Variants in GPATCH2L observed in about 807,000 individuals in gnomAD.
GPATCH2L encodes the protein G patch domain-containing protein 2-like.
In GPATCH2L, 31 loss-of-function variants were observed where a neutral mutation model predicts 57.4. The observed-to-expected ratio is 0.54, with a 90% confidence interval of 0.41 to 0.73. The LOEUF is 0.73. Among genes scored for constraint, GPATCH2L ranks in the 30% least tolerant of loss-of-function variants. GPATCH2L has a pLI of 0.00. For synonymous variants in GPATCH2L, 199 were observed against 210.7 expected (o/e 0.94, Z 0.48); for missense variants, 481 against 599.9 (o/e 0.80, Z 2.07).
downstream of GPATCH2L, among the ~76,000 whole-genome samples, chr14:76,218,175 A>G (rs1417808949): frequency 6.6e-6 from 1 of 152,182 alleles, no homozygotes; most frequent in East Asian, 1.9e-4. Flanking sequence ...ATGTCCACTA[A>G]TTATCACTAT....
Position 76,177,835 on chromosome 14 carries a change from A to G in GPATCH2L, c.1053-153A>G. ...ATCTTATCTTCTTCTCCCTTCTGTA[A>G]TTTTCCTATCACTTCTTTTATTGTT... On this transcript the variant is annotated intron_variant, in intron 6 of 9. Transcript: ENST00000261530. 7 of 1,072,144 alleles carry G rather than the reference A, an allele frequency of 6.5e-6. No individual in the cohort carries two copies. In the South Asian group the frequency reaches 9.5e-5, roughly 14 times the overall value. 66.4% of individuals were successfully genotyped at this position (1,072,144 alleles called of 1,614,324 possible).
chr14:76,198,536 A>G (rs975112874), intron 9 of GPATCH2L, among the ~76,000 whole-genome samples: 4 of 152,204 alleles, frequency 2.6e-5, no homozygotes, highest in African/African-American at 9.6e-5. Flanking sequence ...ATAAAGCGGA[A>G]TTGAGGTGAT....
intron 8 of GPATCH2L, among the ~76,000 whole-genome samples, chr14:76,182,086 G>A (rs2039579907): frequency 6.6e-6 from 1 of 152,092 alleles, no homozygotes. Flanking sequence ...TGCCGGGCGC[G>A]GTGGCTCACG....
At chr14:76,160,427 G>GA (rs980178963) in intron 2 of GPATCH2L, among the ~76,000 whole-genome samples, 2 of 152,064 alleles carry the variant, frequency 1.3e-5, no homozygotes, top group African/African-American at 2.4e-5. Context: ...TATTGCTACA[G>GA]AAAAAAATCG....
intron 8 of GPATCH2L, among the ~76,000 whole-genome samples, chr14:76,193,742 A>C (rs144802267): frequency 9.2e-5 from 14 of 152,218 alleles, no homozygotes; most frequent in African/African-American, 3.4e-4. Context: ...TAACAGTAAC[A>C]TGGTTTAGCT....
chr14:76,153,534 C>A (rs2038152661), intron 1 of GPATCH2L: 1 of 152,198 alleles, frequency 6.6e-6, no homozygotes, highest in Admixed American at 6.5e-5. Flanking sequence ...GCTATTGTAT[C>A]CTAGTTTTCT....
In GPATCH2L at chr14:76,180,837, A is replaced by G. The variant is rs751339261; in HGVS notation, c.1181A>G (p.His394Arg). 6.8e-6 allele frequency: 11 copies of G among 1,606,986 alleles called. No homozygotes were observed. Among genetic ancestry groups the G allele is most frequent in the Admixed American group, 1.7e-5 (1 of 60,010 alleles). ...TCTCACCGAAGGTGTTCACCAGCAC[A>G]CTGCTCTGCCAGGTAATTGTCTTTT... ...DASHRRCSPA[H>R]CSARQANVHW... The change falls in exon 8 of 10, where the codon CAC becomes CGC. Residue 394 changes from histidine (H) to arginine (R), a missense_variant. Coordinates refer to ENST00000261530, the MANE Select transcript of GPATCH2L (RefSeq NM_017926.4).
At chr14:76,221,007 A>C (rs867362599) in intron 1 of GPATCH2L, among the ~76,000 whole-genome samples, 1 of 152,018 alleles carries the variant, frequency 6.6e-6, no homozygotes. Flanking sequence ...CTCTGAAAAG[A>C]CTAATAATAT....
chr14:76,234,350 CCTACCTCTTGGGGT>C (rs2040588183), intron 2 of GPATCH2L, among the ~76,000 whole-genome samples: 1 of 152,136 alleles, frequency 6.6e-6, no homozygotes, highest in Non-Finnish European at 1.5e-5. Flanking sequence ...TCCCATGATT[CCTACCTCTTGGGGT>C]CTACAGCTTT....
downstream of GPATCH2L, among the ~76,000 whole-genome samples, chr14:76,214,911 G>C (rs1369343085): frequency 6.6e-6 from 1 of 151,974 alleles, no homozygotes; most frequent in Non-Finnish European, 1.5e-5. Context: ...TTTGAGGGGT[G>C]CATGTGCAGG....
chr14:76,154,246 A>G lies in GPATCH2L; in HGVS notation c.-10-108A>G. The G allele has an allele frequency of 1.1e-6, 1 of 904,166 alleles. No individual in the cohort carries two copies. The highest frequency in any genetic ancestry group is 1.7e-6 in the Non-Finnish European group (1 of 598,278). The allele number at this position is 904,166 out of a possible 1,614,324, so 56.0% of individuals were successfully genotyped here. A position where few individuals can be genotyped will look rare whatever the true frequency, so the allele number is the denominator to read the frequency against. On this transcript the variant is annotated intron_variant, in intron 1 of 9. Transcript: ENST00000261530. This position sits in a 1 kb window ranked among gnomAD's most constrained non-coding sequence, Gnocchi z 4.4. Reference sequence around the variant, plus strand: ...GTTTAGACAGGCAGAACTGTGGACTACCATGATCTGTTTCATCAAATTATT... The same window carrying G: ...GTTTAGACAGGCAGAACTGTGGACTGCCATGATCTGTTTCATCAAATTATT...
intron 8 of GPATCH2L, among the ~76,000 whole-genome samples, chr14:76,182,769 C>T (rs2139730868): frequency 6.6e-6 from 1 of 152,144 alleles, no homozygotes; most frequent in African/African-American, 2.4e-5. Context: ...CTTACATTCT[C>T]ATGGGAAAGT....
chr14:76,218,786 GT>G (rs2040500629), downstream of GPATCH2L, among the ~76,000 whole-genome samples: 1 of 151,954 alleles, frequency 6.6e-6, no homozygotes, highest in Admixed American at 6.6e-5. Flanking sequence ...GAACAGAACA[GT>G]TCAAAAATAG....
At chr14:76,173,288 C>T (rs2039169893) in intron 4 of GPATCH2L, among the ~76,000 whole-genome samples, 1 of 151,956 alleles carries the variant, frequency 6.6e-6, no homozygotes, top group Non-Finnish European at 1.5e-5. Flanking sequence ...TTCAAAACAG[C>T]CCAGTAAGGT....
intron 2 of GPATCH2L, among the ~76,000 whole-genome samples, chr14:76,164,580 C>CA (rs1211523180): frequency 6.6e-6 from 1 of 151,570 alleles, no homozygotes; most frequent in Admixed American, 6.6e-5. Flanking sequence ...ATAATACAAC[C>CA]AAAACACTGA....
At chr14:76,163,723 C>T (rs147704953) in intron 2 of GPATCH2L, among the ~76,000 whole-genome samples, 1 of 152,334 alleles carries the variant, frequency 6.6e-6, no homozygotes, top group African/African-American at 2.4e-5. Context: ...CATACTATCA[C>T]ATCCTCAATA....
In GPATCH2L at chr14:76,205,060, CATAA is replaced by C. The variant is rs1333994849; in HGVS notation, c.*3210_*3213del. The C allele has an allele frequency of 6.6e-6, 1 of 152,232 alleles. No homozygotes were observed. Among genetic ancestry groups the C allele is most frequent in the African/African-American group, 2.4e-5 (1 of 41,412 alleles). The allele number at this position is 152,232 out of a possible 1,614,324, so 9.4% of individuals were successfully genotyped here. Reference sequence around the variant, plus strand: ...TCATAGCTCACTGTAACCTTGAACTCATAAGCTCAAGCCATCCTCCTGCCTCAGC... The same window carrying C: ...TCATAGCTCACTGTAACCTTGAACTCGCTCAAGCCATCCTCCTGCCTCAGC... On this transcript the variant is annotated 3_prime_UTR_variant, in exon 10 of 10. Transcript: ENST00000261530.
chr14:76,223,400 G>C (rs1396356206), intron 1 of GPATCH2L, among the ~76,000 whole-genome samples: 5 of 152,114 alleles, frequency 3.3e-5, no homozygotes, highest in African/African-American at 1.2e-4. Context: ...AATGAAGTTG[G>C]ATCCCTCTTT....
At chr14:76,199,661 C>G (rs1364869325) in intron 9 of GPATCH2L, among the ~76,000 whole-genome samples, 2 of 152,144 alleles carry the variant, frequency 1.3e-5, no homozygotes, top group African/African-American at 4.8e-5. Flanking sequence ...CAGAGAACAT[C>G]AGGTGTTGGT....
Sources: allele counts gnomAD v4.1 joint callset (sites outside exome capture counted in the v4.1 genomes callset), GRCh38; gene constraint gnomAD v4.1.1; non-coding constraint Gnocchi (gnomAD v3.1); transcripts MANE v1.5; gene names NCBI Gene and HGNC (gene_info 2026-07-23, HGNC 2026-07-21).